The following NEXMIF variants were observed in gnomAD, a reference collection of about 807,000 sequenced individuals.
NEXMIF encodes the protein XLMR protein related to neurite extension.
Under a neutral mutation model 62.1 loss-of-function variants are expected in NEXMIF, and 8 were observed. That is an observed-to-expected ratio of 0.13 (90% CI 0.08 to 0.23). NEXMIF has a LOEUF of 0.23. Ranked by LOEUF, NEXMIF falls within the 10% of genes least tolerant of loss-of-function variation. The pLI, the probability that NEXMIF is intolerant of heterozygous loss-of-function variation, is 1.00. For synonymous variants in NEXMIF, 404 were observed against 416.6 expected, an observed-to-expected ratio of 0.97 and a Z score of 0.37; for missense variants, 976 against 1,113.3, an observed-to-expected ratio of 0.88 and a Z score of 1.75.
chrX:74,921,327 T>A (rs1357390630), intron 1 of NEXMIF, among the ~76,000 whole-genome samples: 2 of 110,766 alleles, frequency 1.8e-5, no homozygotes, highest in African/African-American at 6.6e-5. Flanking sequence ...TCCCCAACCC[T>A]CCACTTTCCC....
At chrX:74,872,482 A>T (rs994736116) in intron 1 of NEXMIF, among the ~76,000 whole-genome samples, 1 of 109,542 alleles carries the variant, frequency 9.1e-6, no homozygotes, top group African/African-American at 3.3e-5. Flanking sequence ...TAGTGGTTAC[A>T]AAAAATCAGA....
At chrX:74,790,710 T>G (rs1439164384) in intron 1 of NEXMIF, among the ~76,000 whole-genome samples, 6 of 113,613 alleles carry the variant, frequency 5.3e-5, no homozygotes, top group African/African-American at 1.9e-4. Context: ...TAAGTTGGAT[T>G]CCTAGGTATT....
intron 1 of NEXMIF, among the ~76,000 whole-genome samples, chrX:74,746,005 A>G (rs1201387908): frequency 8.9e-6 from 1 of 112,015 alleles, no homozygotes. Flanking sequence ...TAACCTAATC[A>G]TGGTTGCCTG....
intron 1 of NEXMIF, among the ~76,000 whole-genome samples, chrX:74,878,723 C>T (rs951333474): frequency 8.9e-6 from 1 of 112,574 alleles, no homozygotes; most frequent in African/African-American, 3.2e-5. Context: ...TGGAAAAGCG[C>T]AGTATTCGGG....
intron 1 of NEXMIF, among the ~76,000 whole-genome samples, chrX:74,903,884 T>TC (rs1467816979): frequency 4.4e-4 from 21 of 47,447 alleles, no homozygotes; most frequent in Admixed American, 1.7e-3. Flanking sequence ...TCTAATCGTG[T>TC]GTGTGTGTGT....
intron 1 of NEXMIF, among the ~76,000 whole-genome samples, chrX:74,844,757 T>C (rs1010243350): frequency 5.3e-5 from 6 of 112,601 alleles, no homozygotes; most frequent in Middle Eastern, 4.6e-3. Context: ...ATGCTAATAA[T>C]TGTGATACTT....
chrX:74,745,774 G>C, intron 1 of NEXMIF, 77 bp from the exon 2 acceptor site: 1 of 476,648 alleles, frequency 2.1e-6, no homozygotes, highest in South Asian at 3.5e-5. Flanking sequence ...CAGCTAGAGG[G>C]GTCTTAAAAG....
At chrX:74,878,944 G>A (rs148718816) in intron 1 of NEXMIF, among the ~76,000 whole-genome samples, 2,267 of 112,515 alleles carry the variant, frequency 0.02, 48 homozygotes, top group African/African-American at 0.063. Context: ...GAAATCACCC[G>A]TCTTCTGCGT....
At chrX:74,896,931 T>C (rs926345313) in intron 1 of NEXMIF, among the ~76,000 whole-genome samples, 1 of 112,230 alleles carries the variant, frequency 8.9e-6, no homozygotes, top group Non-Finnish European at 1.9e-5. Flanking sequence ...CTGTTGACAC[T>C]TCTGTTCCCA....
chrX:74,795,684 T>C (rs369201314), intron 1 of NEXMIF, among the ~76,000 whole-genome samples: 1 of 111,469 alleles, frequency 9.0e-6, no homozygotes, highest in Non-Finnish European at 1.9e-5. Flanking sequence ...CCTTAACATA[T>C]GCAAATGCAA....
intron 1 of NEXMIF, among the ~76,000 whole-genome samples, chrX:74,768,597 T>C (rs994379751): frequency 1.8e-5 from 2 of 111,946 alleles, no homozygotes; most frequent in South Asian, 3.7e-4. Flanking sequence ...GATAGATTTG[T>C]CCAAAGATGA....
intron 1 of NEXMIF, among the ~76,000 whole-genome samples, chrX:74,857,657 A>C (rs1162982820): frequency 8.9e-6 from 1 of 111,745 alleles, no homozygotes; most frequent in Non-Finnish European, 1.9e-5. Context: ...GGAATTTTGC[A>C]CTTTAGGTAC....
At chrX:74,878,970 C>G (rs1383790412) in intron 1 of NEXMIF, among the ~76,000 whole-genome samples, 1 of 112,639 alleles carries the variant, frequency 8.9e-6, no homozygotes, top group African/African-American at 3.2e-5. Flanking sequence ...ATGCTGGGAG[C>G]TGTAGACCGC....
chrX:74,764,980 T>G (rs1031188456), intron 1 of NEXMIF, among the ~76,000 whole-genome samples: 7 of 111,560 alleles, frequency 6.3e-5, no homozygotes, highest in African/African-American at 2.3e-4. Context: ...AATATCTTTG[T>G]TAACTTTTTG....
In NEXMIF at chrX:74,860,642, C is replaced by T. The variant is rs532034222; in HGVS notation, c.-48+64241G>A. ...CACATGGAAATTAAACAACATGCTCCTGAATGACCAATGGTCAATGAATAA... is the reference window on the plus strand; with the variant it reads ...CACATGGAAATTAAACAACATGCTCTTGAATGACCAATGGTCAATGAATAA... On this transcript the variant is annotated intron_variant, in intron 1 of 3. Coordinates refer to ENST00000055682, the MANE Select transcript of NEXMIF (RefSeq NM_001008537.3). Among the ~76,000 whole-genome samples, 91 of 111,647 alleles carry T rather than the reference C, an allele frequency of 8.2e-4. No individual in the cohort carries two copies. The South Asian group carries it at 0.033, about 41-fold the overall frequency.
chrX:74,817,129 C>T (rs1187358623), intron 1 of NEXMIF, among the ~76,000 whole-genome samples: 1 of 111,618 alleles, frequency 9.0e-6, no homozygotes, highest in Non-Finnish European at 1.9e-5. Flanking sequence ...AGGCTTCTAA[C>T]CTAGACAAAA....
chrX:74,844,555 G>A (rs2080485198), intron 1 of NEXMIF, among the ~76,000 whole-genome samples: 1 of 111,315 alleles, frequency 9.0e-6, no homozygotes, highest in Non-Finnish European at 1.9e-5. Context: ...CCCCTGGCGA[G>A]CCTCATGAAC....
intron 1 of NEXMIF, among the ~76,000 whole-genome samples, chrX:74,756,885 T>G (rs1214145565): frequency 8.9e-6 from 1 of 111,884 alleles, no homozygotes; most frequent in Admixed American, 9.5e-5. Flanking sequence ...CCCACATTTC[T>G]TGAACAATAG....
rs1159004470 is a variant in NEXMIF at position 74,792,547 on chromosome X, G to C, written c.-47-46850C>G. Among the ~76,000 whole-genome samples the C allele has an allele frequency of 4.0e-3, 386 of 97,234 alleles. 4 individuals carry two copies. Among genetic ancestry groups the C allele is most frequent in the African/African-American group, 0.014 (372 of 26,515 alleles). 84.4% of individuals were successfully genotyped at this position (97,234 alleles called of 115,157 possible). ...GGTATCCTTGTTGACTTTCTGTCTC[G>C]TTGATCTGTCTAATGTTGACAGTGG... On this transcript the variant is annotated intron_variant, in intron 1 of 3. Transcript: ENST00000055682.
Sources: allele counts gnomAD v4.1 joint callset (sites outside exome capture counted in the v4.1 genomes callset), GRCh38; gene constraint gnomAD v4.1.1; transcripts MANE v1.5; gene names NCBI Gene and HGNC (gene_info 2026-07-23, HGNC 2026-07-21).